Variants in CREB3L1 observed in about 807,000 individuals in gnomAD.
The protein encoded by CREB3L1 is cAMP responsive element binding protein 3 like 1.
In CREB3L1, 33 loss-of-function variants were observed where a neutral mutation model predicts 54.5. The observed-to-expected ratio is 0.61, with a 90% CI of 0.46 to 0.81. The LOEUF (loss-of-function observed/expected upper bound fraction) is 0.81. Among genes scored for constraint, CREB3L1 ranks in the 30% least tolerant of loss-of-function variants. CREB3L1 has a pLI of 0.00. For synonymous variants in CREB3L1, 284 were observed against 286.4 expected (o/e 0.99, Z 0.08); for missense variants, 656 against 673.3 (o/e 0.97, Z 0.29).
chr11:46,309,004 A>G (rs1939444596), intron 3 of CREB3L1, among the ~76,000 whole-genome samples: 1 of 152,186 alleles, frequency 6.6e-6, no homozygotes, highest in African/African-American at 2.4e-5. Context: ...ATGCAGTTAG[A>G]AGCAACTGAC....
chr11:46,287,447 TACC>T (rs1375346401), intron 1 of CREB3L1, among the ~76,000 whole-genome samples: 3 of 152,026 alleles, frequency 2.0e-5, no homozygotes, highest in African/African-American at 7.2e-5. Context: ...TACAGGGACA[TACC>T]ACCATGTCTG....
intron 8 of CREB3L1, 32 bp downstream of exon 8, chr11:46,312,951 C>G: frequency 6.6e-7 from 1 of 1,512,274 alleles, no homozygotes; most frequent in Non-Finnish European, 9.0e-7. Flanking sequence ...CAACCTGGCC[C>G]CCTGCCCCTC....
At chr11:46,280,381 G>C (rs1201975190) in intron 1 of CREB3L1, among the ~76,000 whole-genome samples, 1 of 151,630 alleles carries the variant, frequency 6.6e-6, no homozygotes, top group African/African-American at 2.4e-5. Flanking sequence ...TAGTAGAGAC[G>C]GGGTTTCACC....
chr11:46,310,570 C>T (rs187786123), intron 4 of CREB3L1, among the ~76,000 whole-genome samples: 45 of 151,950 alleles, frequency 3.0e-4, no homozygotes, highest in African/African-American at 9.2e-4. Flanking sequence ...ACCCAGCCTT[C>T]GTCCAGTCCT....
intron 1 of CREB3L1, among the ~76,000 whole-genome samples, chr11:46,293,210 G>A (rs746324740): frequency 1.1e-4 from 17 of 152,242 alleles, no homozygotes; most frequent in Non-Finnish European, 2.4e-4. Flanking sequence ...CTGCCCTGCA[G>A]GGATCCCCTG....
intron 1 of CREB3L1, among the ~76,000 whole-genome samples, chr11:46,291,615 C>T (rs761372640): frequency 6.6e-6 from 1 of 152,096 alleles, no homozygotes; most frequent in Non-Finnish European, 1.5e-5. Flanking sequence ...TTTCTTTTGG[C>T]CGTTGCAGGG....
intron 1 of CREB3L1, among the ~76,000 whole-genome samples, chr11:46,297,965 G>A (rs906227982): frequency 1.3e-5 from 2 of 152,194 alleles, no homozygotes; most frequent in Admixed American, 1.3e-4. Flanking sequence ...CTCCTATGAG[G>A]TGAGTACTAA....
intron 1 of CREB3L1, among the ~76,000 whole-genome samples, chr11:46,293,003 A>G (rs1254195778): frequency 6.6e-6 from 1 of 152,200 alleles, no homozygotes; most frequent in Non-Finnish European, 1.5e-5. Context: ...CTTCATTGTC[A>G]CACCATTGGT....
At chr11:46,283,678 G>A (rs936644698) in intron 1 of CREB3L1, among the ~76,000 whole-genome samples, 8 of 151,780 alleles carry the variant, frequency 5.3e-5, no homozygotes, top group Admixed American at 5.2e-4. Context: ...CCAAGAGTTT[G>A]AGACCAGCCT....
chr11:46,291,557 G>A (rs1394653885), intron 1 of CREB3L1, among the ~76,000 whole-genome samples: 1 of 152,204 alleles, frequency 6.6e-6, no homozygotes, highest in Non-Finnish European at 1.5e-5. Context: ...GTAAGAGGGG[G>A]TGGACCTAAT....
At chr11:46,305,722 GTGTGTGTGTGTA>G (rs1197348102) in intron 2 of CREB3L1, among the ~76,000 whole-genome samples, 1 of 120,464 alleles carries the variant, frequency 8.3e-6, no homozygotes, top group African/African-American at 3.9e-5. Context: ...GTGTGTGTGT[GTGTGTGTGTGTA>G]TATATATATA....
intron 2 of CREB3L1, among the ~76,000 whole-genome samples, chr11:46,305,493 C>A (rs1407447843): frequency 6.6e-6 from 1 of 151,674 alleles, no homozygotes; most frequent in East Asian, 1.9e-4. Flanking sequence ...TGGCCGATTT[C>A]AACACTTCCT....
chr11:46,302,167 CAAATAA>C (rs1939312787), intron 2 of CREB3L1, among the ~76,000 whole-genome samples: 1 of 98,504 alleles, frequency 1.0e-5, no homozygotes, highest in African/African-American at 4.2e-5. Context: ...GGCTCCGTCT[CAAATAA>C]TAATAATAAT....
chr11:46,320,371 G>T lies in CREB3L1; in HGVS notation c.1366G>T (p.Gly456Trp), dbSNP rs370086040. 2.5e-6 allele frequency: 4 copies of T among 1,610,130 alleles called. No homozygotes were observed. Among genetic ancestry groups the T allele is most frequent in the Non-Finnish European group, 3.4e-6 (4 of 1,178,370 alleles). ...EPPDGWEINP[G>W]GPAEQRPRDH... is the part of the protein sequence containing the mutation. Reference sequence around the variant, plus strand: ...CCCAGATGGCTGGGAAATCAACCCCGGGGGGCCGGCAGAGCAGCGGCCCCG... The same window carrying T: ...CCCAGATGGCTGGGAAATCAACCCCTGGGGGCCGGCAGAGCAGCGGCCCCG... The change falls in exon 11 of 12, where the codon GGG becomes TGG. Residue 456 changes from glycine to tryptophan, a missense_variant. By Grantham distance (184) the Gly-to-Trp change is radical. Transcript: ENST00000621158.
intron 2 of CREB3L1, among the ~76,000 whole-genome samples, chr11:46,301,964 A>C (rs1016921646): frequency 6.6e-6 from 1 of 151,612 alleles, no homozygotes; most frequent in Non-Finnish European, 1.5e-5. Flanking sequence ...AATAATAATA[A>C]TACTATCCTG....
intron 1 of CREB3L1, among the ~76,000 whole-genome samples, chr11:46,279,426 A>T (rs1938934102): frequency 6.6e-6 from 1 of 152,110 alleles, no homozygotes; most frequent in Admixed American, 6.6e-5. Flanking sequence ...CATCCTGGTC[A>T]CCCTGCGCTC....
intron 1 of CREB3L1, among the ~76,000 whole-genome samples, chr11:46,283,078 C>A (rs1201789045): frequency 6.6e-6 from 1 of 151,992 alleles, no homozygotes; most frequent in Non-Finnish European, 1.5e-5. Context: ...GTGGTCCCAG[C>A]CACTTAGGAG....
At chr11:46,303,018 G>A (rs1296917963) in intron 2 of CREB3L1, among the ~76,000 whole-genome samples, 1 of 152,146 alleles carries the variant, frequency 6.6e-6, no homozygotes, top group East Asian at 1.9e-4. Context: ...CTTCACAAAA[G>A]CTCAGTTGTC....
intron 2 of CREB3L1, among the ~76,000 whole-genome samples, chr11:46,301,866 A>G (rs1939308847): frequency 6.6e-6 from 1 of 151,966 alleles, no homozygotes; most frequent in South Asian, 2.1e-4. Context: ...CAGGAGAGTC[A>G]CTTGAACACA....
Sources: allele counts gnomAD v4.1 joint callset (sites outside exome capture counted in the v4.1 genomes callset), GRCh38; gene constraint gnomAD v4.1.1; transcripts MANE v1.5; gene names NCBI Gene and HGNC (gene_info 2026-07-23, HGNC 2026-07-21).